DCLK1: variants seen among roughly 807,000 people sequenced by gnomAD.
DCLK1 encodes the protein doublecortin like kinase 1, also known as serine/threonine-protein kinase DCLK1.
Under a neutral mutation model 86.2 loss-of-function variants are expected in DCLK1, and 16 were observed. The ratio of observed to expected loss-of-function variants is 0.19; its 90% CI spans 0.13 to 0.28. The LOEUF is 0.28. Ranked by LOEUF, DCLK1 falls within the 10% of genes least tolerant of loss-of-function variation. The pLI, the probability that DCLK1 is intolerant of heterozygous loss-of-function variation, is 1.00. For synonymous variants in DCLK1, 369 were observed against 370.5 expected, an observed-to-expected ratio of 1.00 and a Z score of 0.05; for missense variants, 590 against 940.2, an observed-to-expected ratio of 0.63 and a Z score of 4.87.
At chr13:36,099,931 T>C in intron 3 of DCLK1, among the ~76,000 whole-genome samples, 1 of 152,154 alleles carries the variant, frequency 6.6e-6, no homozygotes, top group Non-Finnish European at 1.5e-5. Flanking sequence ...TCCTATAAAC[T>C]GTTGCCAAAT....
In DCLK1 at chr13:35,809,006, T is replaced by G; in HGVS notation, c.1766+12A>C. The G allele has an allele frequency of 6.2e-7, 1 of 1,609,784 alleles. No individual in the cohort carries two copies. Among genetic ancestry groups the G allele is most frequent in the East Asian group, 2.2e-5 (1 of 44,768 alleles). ...GCTTTGTCGGCGCTGAATAAAAGAT[T>G]GTTGCCCATACCCACGGAATGGAGG... On this transcript the variant is annotated intron_variant, in intron 13 of 16. Coordinates refer to ENST00000360631, the MANE Select transcript of DCLK1 (RefSeq NM_001330071.2).
intron 3 of DCLK1, among the ~76,000 whole-genome samples, chr13:36,080,546 G>T (rs186937671): frequency 1.3e-5 from 2 of 152,276 alleles, no homozygotes; most frequent in East Asian, 3.9e-4. Context: ...TTACTACCTT[G>T]CTCCAGGTAG....
At chr13:36,067,306 G>A (rs1883792208) in intron 3 of DCLK1, among the ~76,000 whole-genome samples, 1 of 148,976 alleles carries the variant, frequency 6.7e-6, no homozygotes, top group African/African-American at 2.5e-5. Context: ...ACTATCGCAA[G>A]GACAAAAAAC....
chr13:36,037,073 A>G (rs1882530355), intron 3 of DCLK1, among the ~76,000 whole-genome samples: 1 of 152,206 alleles, frequency 6.6e-6, no homozygotes, highest in Non-Finnish European at 1.5e-5. Flanking sequence ...AAAAAGAATG[A>G]AATCCTGTCA....
At position 35,808,417 on chromosome 13, in the gene DCLK1, C is replaced by A; in HGVS notation, c.1767-97G>T. ...GGCACTGGAGCCCTTCCTTTCCCCC[C>A]ATAAATGTGTAAAAATGTGTATTTT... On this transcript the variant is annotated intron_variant, in intron 13 of 16. Transcript: ENST00000360631. 3.1e-6 allele frequency: 3 copies of A among 972,696 alleles called. No individual in the cohort carries two copies. In the South Asian group the frequency reaches 4.0e-5, roughly 13 times the overall value. The allele number at this position is 972,696 out of a possible 1,614,324, so 60.3% of individuals were successfully genotyped here. A position where few individuals can be genotyped will look rare whatever the true frequency, so the allele number is the denominator to read the frequency against.
chr13:35,814,129 G>A (rs1308735911), intron 11 of DCLK1, among the ~76,000 whole-genome samples: 1 of 152,048 alleles, frequency 6.6e-6, no homozygotes, highest in Non-Finnish European at 1.5e-5. Flanking sequence ...ACCTGCTACG[G>A]CCTGAGCTAC....
intron 3 of DCLK1, among the ~76,000 whole-genome samples, chr13:36,024,808 G>A (rs1326000535): frequency 6.6e-6 from 1 of 151,746 alleles, no homozygotes; most frequent in Non-Finnish European, 1.5e-5. Flanking sequence ...GAATAAAGGT[G>A]GAGACACACT....
chr13:35,907,963 C>T (rs934381092), intron 4 of DCLK1, among the ~76,000 whole-genome samples: 22 of 151,318 alleles, frequency 1.5e-4, no homozygotes, highest in Admixed American at 8.6e-4. Context: ...AATAACAGTT[C>T]TAAGAACATT....
intron 5 of DCLK1, among the ~76,000 whole-genome samples, chr13:35,868,116 G>A (rs575123747): frequency 3.4e-4 from 50 of 149,158 alleles, no homozygotes; most frequent in African/African-American, 2.0e-4. Context: ...TCCACCTCCC[G>A]GGTTCACGCC....
chr13:35,903,692 T>C (rs1874516846), intron 4 of DCLK1, among the ~76,000 whole-genome samples: 1 of 151,764 alleles, frequency 6.6e-6, no homozygotes, highest in African/African-American at 2.4e-5. Context: ...AACAAGACTA[T>C]CCACCCCCTC....
intron 3 of DCLK1, among the ~76,000 whole-genome samples, chr13:35,965,782 C>T (rs1361974312): frequency 1.3e-5 from 2 of 152,158 alleles, no homozygotes; most frequent in Non-Finnish European, 2.9e-5. Context: ...CTCTCACTCT[C>T]TCTCTCTCTC....
intron 3 of DCLK1, among the ~76,000 whole-genome samples, chr13:36,090,191 A>G (rs1156860047): frequency 2.0e-5 from 3 of 152,246 alleles, no homozygotes; most frequent in Non-Finnish European, 4.4e-5. Context: ...TATAAAGACA[A>G]AAAGAAAAAT....
chr13:35,938,334 A>C (rs1187133046), intron 4 of DCLK1, among the ~76,000 whole-genome samples: 1 of 152,100 alleles, frequency 6.6e-6, no homozygotes, highest in Non-Finnish European at 1.5e-5. Flanking sequence ...ATAACTTGTC[A>C]AAAATGAGCA....
At chr13:35,854,720 A>C (rs140627610) in intron 5 of DCLK1, 127 bp from the exon 6 acceptor site, 2 of 657,822 alleles carry the variant, frequency 3.0e-6, no homozygotes, top group Non-Finnish European at 4.5e-6. Context: ...ACACCCTTCC[A>C]TATGTACACT....
chr13:35,803,317 G>C (rs181066135), intron 15 of DCLK1, among the ~76,000 whole-genome samples: 4 of 152,114 alleles, frequency 2.6e-5, no homozygotes, highest in Non-Finnish European at 5.9e-5. Flanking sequence ...GATAACTTTT[G>C]CTTAGCACCC....
intron 5 of DCLK1, among the ~76,000 whole-genome samples, chr13:35,868,026 T>G (rs1424247712): frequency 6.8e-6 from 1 of 146,724 alleles, no homozygotes; most frequent in Non-Finnish European, 1.5e-5. Context: ...ACAGCTCTTT[T>G]TTTTTTTTTT....
At chr13:35,833,621 A>G (rs1869135893) in intron 8 of DCLK1, among the ~76,000 whole-genome samples, 1 of 152,210 alleles carries the variant, frequency 6.6e-6, no homozygotes, top group Non-Finnish European at 1.5e-5. Context: ...CCATTGTTGT[A>G]GACAAATCTT....
intron 4 of DCLK1, among the ~76,000 whole-genome samples, chr13:35,934,562 T>C (rs1406789091): frequency 6.6e-6 from 1 of 152,160 alleles, no homozygotes; most frequent in Non-Finnish European, 1.5e-5. Flanking sequence ...TCAGATCTTA[T>C]GAGACTTATT....
chr13:36,012,038 T>C (rs1212826036), intron 3 of DCLK1, among the ~76,000 whole-genome samples: 2 of 145,034 alleles, frequency 1.4e-5, no homozygotes, highest in African/African-American at 5.3e-5. Flanking sequence ...TATCAGAGAC[T>C]AGGATTGCAA....
Sources: allele counts gnomAD v4.1 joint callset (sites outside exome capture counted in the v4.1 genomes callset), GRCh38; gene constraint gnomAD v4.1.1; transcripts MANE v1.5; gene names NCBI Gene and HGNC (gene_info 2026-07-23, HGNC 2026-07-21).